CD226: variants seen among roughly 807,000 people sequenced by gnomAD.
CD226 encodes the protein CD226 molecule, also known as CD226 antigen.
In CD226, 24 loss-of-function variants were observed where a neutral mutation model predicts 34.9. The ratio of observed to expected loss-of-function variants is 0.69; its 90% CI spans 0.50 to 0.97. The LOEUF (loss-of-function observed/expected upper bound fraction) is 0.97. CD226 is among the 50% of genes least tolerant of loss of function. The pLI, the probability that CD226 is intolerant of heterozygous loss-of-function variation, is 0.00. For synonymous variants in CD226, 148 were observed against 147.4 expected (o/e 1.00, Z -0.03); for missense variants, 397 against 412.7 (o/e 0.96, Z 0.33).
intron 2 of CD226, among the ~76,000 whole-genome samples, chr18:69,903,857 C>T (rs1286837632): frequency 6.6e-6 from 1 of 152,096 alleles, no homozygotes; most frequent in Non-Finnish European, 1.5e-5. Flanking sequence ...TGTTAAGTTA[C>T]CCAGCTTTTG....
rs1555675812 is a variant in CD226, at chr18:69,861,554, G to GTATATATATATATATATAGATATATA, written c.*2759_*2760insTATATATCTATATATATATATATATA. ...ATAAATTATATGTGTATATATATAT[G>GTATATATATATATATATAGATATATA]TATATATATATATATATATGTAAAA... On this transcript the variant is annotated 3_prime_UTR_variant, in exon 6 of 6. Transcript: ENST00000582621. 1 of 127,948 alleles carries GTATATATATATATATATAGATATATA rather than the reference G, an allele frequency of 7.8e-6. No individual in the cohort carries two copies. Among genetic ancestry groups the GTATATATATATATATATAGATATATA allele is most frequent in the African/African-American group, 2.8e-5 (1 of 36,322 alleles). 7.9% of individuals were successfully genotyped at this position (127,948 alleles called of 1,614,324 possible). A position where few individuals can be genotyped will look rare whatever the true frequency, so the allele number is the denominator to read the frequency against.
intron 3 of CD226, among the ~76,000 whole-genome samples, chr18:69,876,837 AAGTCC>A (rs1475654345): frequency 1.4e-5 from 2 of 146,810 alleles, no homozygotes; most frequent in Non-Finnish European, 3.0e-5. Context: ...CACCAATTGC[AAGTCC>A]AGGCCTCTAG....
At chr18:69,880,737 C>T (rs1301937597) in intron 3 of CD226, among the ~76,000 whole-genome samples, 10 of 151,052 alleles carry the variant, frequency 6.6e-5, no homozygotes, top group African/African-American at 9.7e-5. Flanking sequence ...CTGCAACCTC[C>T]GCCTCCTGGG....
intron 2 of CD226, among the ~76,000 whole-genome samples, chr18:69,923,257 G>A (rs913791877): frequency 8.6e-5 from 13 of 151,834 alleles, no homozygotes; most frequent in African/African-American, 3.1e-4. Flanking sequence ...GAGAAGGAAG[G>A]AAAGAAAATC....
upstream of CD226, among the ~76,000 whole-genome samples, chr18:69,960,208 C>T (rs1277788862): frequency 2.5e-4 from 37 of 150,322 alleles, no homozygotes; most frequent in African/African-American, 9.1e-4. Flanking sequence ...CCACTGCACT[C>T]CAACCTGGGT....
At chr18:69,904,817 C>T (rs191453296) in intron 2 of CD226, among the ~76,000 whole-genome samples, 2 of 152,240 alleles carry the variant, frequency 1.3e-5, no homozygotes, top group East Asian at 1.9e-4. Context: ...CAATTGGCCC[C>T]CCAGGTTAGA....
intron 2 of CD226, among the ~76,000 whole-genome samples, chr18:69,910,169 G>C (rs896699934): frequency 6.6e-6 from 1 of 152,186 alleles, no homozygotes; most frequent in Non-Finnish European, 1.5e-5. Flanking sequence ...CACTGTGTTA[G>C]TAGTTTTCTA....
chr18:69,868,791 G>A (rs567551525), intron 4 of CD226, among the ~76,000 whole-genome samples: 8 of 131,780 alleles, frequency 6.1e-5, no homozygotes, highest in East Asian at 2.4e-4. Flanking sequence ...ATGCGCACAC[G>A]TGCGCGTGCA....
At chr18:69,866,906 C>T (rs945915351) in intron 5 of CD226, among the ~76,000 whole-genome samples, 14 of 152,134 alleles carry the variant, frequency 9.2e-5, no homozygotes, top group Non-Finnish European at 1.0e-4. Flanking sequence ...AGCCAAGGAT[C>T]GACAGCTCCA....
chr18:69,931,394 T>G, intron 2 of CD226, among the ~76,000 whole-genome samples: 1 of 150,488 alleles, frequency 6.6e-6, no homozygotes, highest in Non-Finnish European at 1.5e-5. Context: ...ATAATAAAAT[T>G]TAAAAAAAAG....
upstream of CD226, among the ~76,000 whole-genome samples, chr18:69,958,315 G>A (rs750562742): frequency 1.3e-5 from 2 of 152,122 alleles, no homozygotes; most frequent in Admixed American, 6.5e-5. Flanking sequence ...TGTAGAATAG[G>A]ACGAAGCCAT....
rs1204887109 is a variant in CD226, at chr18:69,859,652, A to C, written c.*4662T>G. The C allele has an allele frequency of 6.6e-6, 1 of 152,136 alleles. No individual in the cohort carries two copies. Among genetic ancestry groups the C allele is most frequent in the Non-Finnish European group, 1.5e-5 (1 of 68,034 alleles). The allele number at this position is 152,136 out of a possible 1,614,324, so 9.4% of individuals were successfully genotyped here. A position where few individuals can be genotyped will look rare whatever the true frequency, so the allele number is the denominator to read the frequency against. ...AAAATAATGAGTTAGAAGTAGTAAA[A>C]TTTGTTGTCTCAAGGTAACAAAAAT... is the stretch of plus-strand genomic sequence containing the variant. On this transcript the variant is annotated 3_prime_UTR_variant, in exon 6 of 6. Transcript: ENST00000582621.
At chr18:69,884,479 T>C (rs1984446072) in intron 3 of CD226, among the ~76,000 whole-genome samples, 1 of 152,248 alleles carries the variant, frequency 6.6e-6, no homozygotes, top group South Asian at 2.1e-4. Context: ...TCTGTCTCTG[T>C]CTCTTTGAAA....
At chr18:69,881,572 G>A (rs1482672315) in intron 3 of CD226, among the ~76,000 whole-genome samples, 8 of 152,154 alleles carry the variant, frequency 5.3e-5, no homozygotes, top group African/African-American at 1.2e-4. Context: ...CATTTTAAGC[G>A]CCAAACGATT....
intron 5 of CD226, among the ~76,000 whole-genome samples, chr18:69,866,545 GATA>G (rs1412774488): frequency 2.0e-5 from 3 of 152,062 alleles, no homozygotes; most frequent in Non-Finnish European, 2.9e-5. Flanking sequence ...TACCTCCAAA[GATA>G]ATAATAATAA....
chr18:69,892,051 T>C (rs746364206), intron 3 of CD226, among the ~76,000 whole-genome samples: 6 of 152,224 alleles, frequency 3.9e-5, no homozygotes, highest in Non-Finnish European at 7.3e-5. Flanking sequence ...TCATAACCTG[T>C]TTCATGTCAT....
In CD226 at chr18:69,910,117, C is replaced by T. The variant is rs190045561; in HGVS notation, c.383-14072G>A. Among the ~76,000 whole-genome samples the T allele has an allele frequency of 2.2e-3, 342 of 152,292 alleles. 1 individual carries two copies. The highest frequency in any genetic ancestry group is 7.9e-3 in the African/African-American group (329 of 41,566). On this transcript the variant is annotated intron_variant, in intron 2 of 5. Coordinates refer to ENST00000582621, the MANE Select transcript of CD226 (RefSeq NM_001303618.2). ...ACTTTTTTCATTTATTTCTCTTATG[C>T]ATTTTAAAATTTCTGTAAATGTTGT...
chr18:69,961,305 G>A (rs922837331), upstream of CD226, among the ~76,000 whole-genome samples: 4 of 152,136 alleles, frequency 2.6e-5, no homozygotes, highest in East Asian at 5.8e-4. Flanking sequence ...CTCCTCTATG[G>A]CAAGACCCAA....
chr18:69,915,724 A>G (rs1311094306), intron 2 of CD226, among the ~76,000 whole-genome samples: 1 of 152,186 alleles, frequency 6.6e-6, no homozygotes, highest in Non-Finnish European at 1.5e-5. Context: ...CGAAGTCTGC[A>G]ATTTAATTTC....
Sources: gnomAD v4.1 joint callset for allele counts (sites outside exome capture counted in the v4.1 genomes callset) on GRCh38, gnomAD v4.1.1 for gene constraint, MANE v1.5 for transcripts, NCBI Gene and HGNC (gene_info 2026-07-23, HGNC 2026-07-21) for gene names.